The following CYP11B1 variants were observed in gnomAD, a reference collection of about 807,000 sequenced individuals.
The protein encoded by CYP11B1 is cytochrome P450 family 11 subfamily B member 1.
CYP11B1 carries 34 observed loss-of-function variants against 48.3 expected under a neutral mutation model. The ratio of observed to expected loss-of-function variants is 0.70; its 90% CI spans 0.54 to 0.94. The LOEUF is 0.94. Among genes scored for constraint, CYP11B1 ranks in the 40% least tolerant of loss-of-function variants. The probability of loss-of-function intolerance (pLI) is 0.00; values close to 1 mark genes in which losing one functional copy is unlikely to be tolerated. For missense variants in CYP11B1, 688 were observed against 657.4 expected, an observed-to-expected ratio of 1.05 and a Z score of -0.51; for synonymous variants, 291 against 262.5, an observed-to-expected ratio of 1.11 and a Z score of -1.05.
At chr8:142,879,302 T>G in intron 1 of CYP11B1, 115 bp from the exon 2 acceptor site, 1 of 1,606,776 alleles carries the variant, frequency 6.2e-7, no homozygotes, top group Non-Finnish European at 8.5e-7. Context: ...GATTAGCGGC[T>G]TCACAGCTAA....
intron 2 of CYP11B1, among the ~76,000 whole-genome samples, chr8:142,877,570 A>G (rs1257780673): frequency 6.6e-6 from 1 of 152,134 alleles, no homozygotes; most frequent in African/African-American, 2.4e-5. Flanking sequence ...CAAGAAAGGA[A>G]CTGACCCCTG....
Position 142,875,720 on chromosome 8 carries a change from C to T in CYP11B1, c.1113G>A (p.Glu371=). 4 of 1,613,944 alleles carry T rather than the reference C, an allele frequency of 2.5e-6. No homozygotes were observed. The highest frequency in any genetic ancestry group is 3.4e-6 in the Non-Finnish European group (4 of 1,179,978). ...CCTCAGCCAGCACCCACCGCAAGGTCTCCTTGAGGGCCGCACGCAGCAAGG... is the reference window on the plus strand; with the variant it reads ...CCTCAGCCAGCACCCACCGCAAGGTTTCCTTGAGGGCCGCACGCAGCAAGG... ...ELPLLRAALK[E]TLRLYPVGLF... The change falls in exon 6 of 9, where the codon GAG becomes GAA. Residue 371 remains glutamate, a synonymous_variant. Coordinates refer to ENST00000292427, the MANE Select transcript of CYP11B1 (RefSeq NM_000497.4).
rs1165211656 is a variant in CYP11B1, at chr8:142,873,437, C to T, written c.*936G>A. 6.6e-6 allele frequency: 1 copy of T among 152,272 alleles called. No homozygotes were observed. The allele number at this position is 152,272 out of a possible 1,614,324, so 9.4% of individuals were successfully genotyped here. On this transcript the variant is annotated 3_prime_UTR_variant, in exon 9 of 9. Coordinates refer to ENST00000292427, the MANE Select transcript of CYP11B1 (RefSeq NM_000497.4). The stretch of plus-strand genomic sequence containing the variant: ...AGATGAGGCCCAAGGCAGGTTCACG[C>T]AGGAAACTGCAGCCTCCCTGTGCCC...
Position 142,875,074 on chromosome 8 carries a change from G to C in CYP11B1, c.1281C>G (p.Arg427=). ...FPRPERYNPQ[R]WLDIRGSGRN... ...TGCCGGAGCCCCTGATGTCTAGCCA[G>C]CGCTGGGGGTTATAGCGCTCAGGCC... is the stretch of plus-strand genomic sequence containing the variant. The change falls in exon 8 of 9, where the codon CGC becomes CGG. Residue 427 remains arginine, a synonymous_variant. Coordinates refer to ENST00000292427, the MANE Select transcript of CYP11B1 (RefSeq NM_000497.4). 2 of 1,614,276 alleles carry C rather than the reference G, an allele frequency of 1.2e-6. No homozygotes were observed. The highest frequency in any genetic ancestry group is 2.2e-5 in the East Asian group (1 of 44,878).
At chr8:142,876,462 C>G in intron 4 of CYP11B1, 67 bp from the exon 5 acceptor site, 4 of 1,552,966 alleles carry the variant, frequency 2.6e-6, no homozygotes, top group Non-Finnish European at 3.5e-6. Flanking sequence ...TGTCCTCCTC[C>G]TGCCCAGACT....
At chr8:142,879,466 G>T in intron 1 of CYP11B1, 109 bp downstream of exon 1, 4 of 1,613,906 alleles carry the variant, frequency 2.5e-6, no homozygotes, top group Non-Finnish European at 3.4e-6. Flanking sequence ...TCCAAAGGAT[G>T]CAGAGTGCCG....
At chr8:142,878,490 GC>G (rs1817035161) in intron 2 of CYP11B1, among the ~76,000 whole-genome samples, 1 of 152,246 alleles carries the variant, frequency 6.6e-6, no homozygotes, top group East Asian at 1.9e-4. Context: ...GCCATCAACC[GC>G]CCCACCTCGT....
chr8:142,874,945 G>C lies in CYP11B1; in HGVS notation c.1398+12C>G, dbSNP rs769028095. The C allele has an allele frequency of 2.5e-6, 4 of 1,612,390 alleles. No individual in the cohort carries two copies. The highest frequency in any genetic ancestry group is 2.7e-5 in the African/African-American group (2 of 75,004). Reference sequence around the variant, plus strand: ...CCCCGCCCAGGCCCCTCCCCAGCCCGGGCCTGCTCACATGGTGCAGCAGCA... The same window carrying C: ...CCCCGCCCAGGCCCCTCCCCAGCCCCGGCCTGCTCACATGGTGCAGCAGCA... On this transcript the variant is annotated intron_variant, in intron 8 of 8. Coordinates refer to ENST00000292427, the MANE Select transcript of CYP11B1 (RefSeq NM_000497.4).
At chr8:142,877,644 C>T (rs1414074566) in intron 2 of CYP11B1, 14 of 1,084,470 alleles carry the variant, frequency 1.3e-5, no homozygotes, top group Admixed American at 2.3e-5. Flanking sequence ...GCTGCCCTCT[C>T]CTCCCCGCCC....
rs267606755 is a variant in CYP11B1 at position 142,875,086 on chromosome 8, A to G, written c.1269T>C (p.Tyr423=). The G allele has an allele frequency of 1.9e-6, 3 of 1,614,226 alleles. No homozygotes were observed. The highest frequency in any genetic ancestry group is 4.5e-5 in the East Asian group (2 of 44,872). ...TGATGTCTAGCCAGCGCTGGGGGTTATAGCGCTCAGGCCTCGGGAACAAGG... is the reference window on the plus strand; with the variant it reads ...TGATGTCTAGCCAGCGCTGGGGGTTGTAGCGCTCAGGCCTCGGGAACAAGG... The part of the protein sequence containing the change: ...NPALFPRPER[Y]NPQRWLDIRG... The change falls in exon 8 of 9, where the codon TAT becomes TAC. Residue 423 remains tyrosine (Y), a synonymous_variant. Transcript: ENST00000292427.
chr8:142,878,758 G>T (rs1817045072), intron 2 of CYP11B1, among the ~76,000 whole-genome samples: 1 of 152,294 alleles, frequency 6.6e-6, no homozygotes, highest in Non-Finnish European at 1.5e-5. Context: ...ATCGGCCAAG[G>T]TTGGTGCAGA....
chr8:142,874,696 A>G lies in CYP11B1; in HGVS notation c.1399-210T>C, dbSNP rs139903137. Among the ~76,000 whole-genome samples, 156 of 152,138 alleles carry G rather than the reference A, an allele frequency of 1.0e-3. 1 individual carries two copies. The highest frequency in any genetic ancestry group is 3.5e-3 in the African/African-American group (145 of 41,502). On this transcript the variant is annotated intron_variant, in intron 8 of 8. Coordinates refer to ENST00000292427, the MANE Select transcript of CYP11B1 (RefSeq NM_000497.4). ...TTGCCCAAGCCCCACTATCCTGTAC[A>G]GGCTCCACCCGACTTCCCCAGTTCC...
Position 142,875,549 on chromosome 8 carries a change from A to G in CYP11B1, c.1121+163T>C, listed in dbSNP as rs6391. Among the ~76,000 whole-genome samples, 102,214 of 151,812 alleles carry G rather than the reference A, an allele frequency of 0.67. 35,553 individuals carry two copies. The highest frequency in any genetic ancestry group is 0.85 in the East Asian group (4,348 of 5,136). ...AGGGCGTTGAAGAGGGATTCCAGAG[A>G]AAGAAGAGCTCCCTGTCCTTGAGGG... On this transcript the variant is annotated intron_variant, in intron 6 of 8. Coordinates refer to ENST00000292427, the MANE Select transcript of CYP11B1 (RefSeq NM_000497.4).
chr8:142,877,192 C>A lies in CYP11B1; in HGVS notation c.426G>T (p.Leu142Phe). ...LNGPEWRFNR[L>F]RLNPEVLSPN... ...GCGACAGCACTTCTGGATTCAGCCGCAATCGGTTGAAGCGCCATTCAGGCC... is the reference window on the plus strand; with the variant it reads ...GCGACAGCACTTCTGGATTCAGCCGAAATCGGTTGAAGCGCCATTCAGGCC... The change falls in exon 3 of 9, where the codon TTG becomes TTT. Residue 142 changes from leucine to phenylalanine, a missense_variant. Coordinates refer to ENST00000292427, the MANE Select transcript of CYP11B1 (RefSeq NM_000497.4). 1 of 1,614,118 alleles carries A rather than the reference C, an allele frequency of 6.2e-7. No homozygotes were observed. Among genetic ancestry groups the A allele is most frequent in the Non-Finnish European group, 8.5e-7 (1 of 1,179,994 alleles).
rs1249194550 is a variant in CYP11B1 at position 142,873,451 on chromosome 8, C to G, written c.*922G>C. The stretch of plus-strand genomic sequence containing the variant: ...GCAGGTTCACGCAGGAAACTGCAGC[C>G]TCCCTGTGCCCACCCCAGGTCGTGG... On this transcript the variant is annotated 3_prime_UTR_variant, in exon 9 of 9. Coordinates refer to ENST00000292427, the MANE Select transcript of CYP11B1 (RefSeq NM_000497.4). 6.6e-6 allele frequency: 1 copy of G among 152,248 alleles called. No individual in the cohort carries two copies. The highest frequency in any genetic ancestry group is 2.4e-5 in the African/African-American group (1 of 41,460). 9.4% of individuals were successfully genotyped at this position (152,248 alleles called of 1,614,324 possible).
At position 142,876,302 on chromosome 8, in the gene CYP11B1, T is replaced by G. The variant is rs200994388; in HGVS notation, c.893A>C (p.Glu298Ala). Residue 298 changes from glutamate (E) to alanine (A), a missense_variant, in exon 5 of 9, where the codon GAA (glutamate) becomes GCA (alanine). By Grantham distance (107) the Glu-to-Ala change is moderately radical (BLOSUM62 -1). Coordinates refer to ENST00000292427, the MANE Select transcript of CYP11B1 (RefSeq NM_000497.4). ...GGCCTTGATGGCATCTGGCGACAGT[T>G]CCGCATTCAACAGGAGCTCCGCCAC... ...SIVAELLLNA[E>A]LSPDAIKANS... 3 of 1,614,210 alleles carry G rather than the reference T, an allele frequency of 1.9e-6. No individual in the cohort carries two copies. The highest frequency in any genetic ancestry group is 4.5e-5 in the East Asian group (2 of 44,874).
intron 4 of CYP11B1, 25 bp from the exon 5 acceptor site, chr8:142,876,420 C>G (rs887698889): frequency 3.7e-6 from 6 of 1,607,590 alleles, no homozygotes; most frequent in Admixed American, 3.4e-5. Flanking sequence ...GGAGGCAGCC[C>G]TCAGACTTTG....
chr8:142,876,462 C>T, intron 4 of CYP11B1, 67 bp from the exon 5 acceptor site: 4 of 1,552,966 alleles, frequency 2.6e-6, no homozygotes, highest in Non-Finnish European at 3.5e-6. Context: ...TGTCCTCCTC[C>T]TGCCCAGACT....
rs565760128 is a variant in CYP11B1 at position 142,874,149 on chromosome 8, TG to T, written c.*223del. On this transcript the variant is annotated 3_prime_UTR_variant, in exon 9 of 9. Coordinates refer to ENST00000292427, the MANE Select transcript of CYP11B1 (RefSeq NM_000497.4). ...TGCTGGAGAAAGGGCCAGGTGGGGCTGGGGACAAGGTCAGCAAGATCTTCCC... is the reference window on the plus strand; with the variant it reads ...TGCTGGAGAAAGGGCCAGGTGGGGCTGGGACAAGGTCAGCAAGATCTTCCC... 3 of 594,052 alleles carry T rather than the reference TG, an allele frequency of 5.1e-6. No individual in the cohort carries two copies. In the South Asian group the frequency reaches 5.7e-5, roughly 11 times the overall value. 36.8% of individuals were successfully genotyped at this position (594,052 alleles called of 1,614,324 possible). A position where few individuals can be genotyped will look rare whatever the true frequency, so the allele number is the denominator to read the frequency against.
Sources: gnomAD v4.1 joint callset for allele counts (sites outside exome capture counted in the v4.1 genomes callset) on GRCh38, gnomAD v4.1.1 for gene constraint, MANE v1.5 for transcripts, NCBI Gene and HGNC (gene_info 2026-07-23, HGNC 2026-07-21) for gene names.